The following RGS7 variants were observed in gnomAD, a reference collection of about 807,000 sequenced individuals.
RGS7 encodes regulator of G-protein signaling 7.
RGS7 carries 27 observed loss-of-function variants against 81.1 expected under a neutral mutation model. The ratio of observed to expected loss-of-function variants is 0.33; its 90% CI spans 0.25 to 0.46. The LOEUF (loss-of-function observed/expected upper bound fraction) is 0.46. Ranked by LOEUF, RGS7 falls within the 20% of genes least tolerant of loss-of-function variation. RGS7 has a pLI of 1.00. For missense variants in RGS7, 396 were observed against 607.4 expected (o/e 0.65, Z 3.66); for synonymous variants, 208 against 207.7 (o/e 1.00, Z -0.01).
chr1:240,809,207 A>G (rs927999520), intron 14 of RGS7, among the ~76,000 whole-genome samples: 9 of 152,202 alleles, frequency 5.9e-5, no homozygotes, highest in Non-Finnish European at 1.3e-4. Flanking sequence ...AGGGAAATAC[A>G]TCATAAAATT....
At chr1:241,129,081 C>G (rs1215109703) in intron 2 of RGS7, among the ~76,000 whole-genome samples, 2 of 152,132 alleles carry the variant, frequency 1.3e-5, no homozygotes, top group African/African-American at 4.8e-5. Context: ...TTATACTCCT[C>G]TAACATTTTG....
At chr1:240,858,198 T>C (rs956709597) in intron 9 of RGS7, among the ~76,000 whole-genome samples, 6 of 152,252 alleles carry the variant, frequency 3.9e-5, no homozygotes, top group African/African-American at 1.4e-4. Flanking sequence ...AAAGTTGCCA[T>C]AAACATTTGT....
intron 3 of RGS7, among the ~76,000 whole-genome samples, chr1:240,989,599 A>G (rs1686165759): frequency 6.6e-6 from 1 of 152,066 alleles, no homozygotes; most frequent in African/African-American, 2.4e-5. Flanking sequence ...ATGGTTCCCG[A>G]TGGCGTGCAT....
intron 2 of RGS7, among the ~76,000 whole-genome samples, chr1:241,108,655 T>C (rs567639203): frequency 6.6e-6 from 1 of 152,182 alleles, no homozygotes; most frequent in East Asian, 1.9e-4. Context: ...CAATGTCCCC[T>C]GAACTATTTG....
chr1:241,262,439 G>T (rs1461796693), intron 2 of RGS7, among the ~76,000 whole-genome samples: 1 of 152,212 alleles, frequency 6.6e-6, no homozygotes, highest in Non-Finnish European at 1.5e-5. Flanking sequence ...AAAGATGCCA[G>T]AAGTTCATGG....
rs1386365002 is a variant in RGS7, at chr1:240,853,813, A to G, written c.609+14774T>C. On this transcript the variant is annotated intron_variant, in intron 9 of 18. Coordinates refer to ENST00000440928, the MANE Select transcript of RGS7 (RefSeq NM_001364886.1). The stretch of plus-strand genomic sequence containing the variant: ...CTACTCAGGAGGCTGAGGCAGGAGA[A>G]TGGCGTGAACCCGGGAGGCGGAGCT... Among the ~76,000 whole-genome samples the G allele has an allele frequency of 2.2e-5, 3 of 136,360 alleles. No individual in the cohort carries two copies. The East Asian group carries it at 7.5e-4, about 34-fold the overall frequency. The allele number at this position is 136,360 out of a possible 152,430, so 89.5% of individuals were successfully genotyped here. A position where few individuals can be genotyped will look rare whatever the true frequency, so the allele number is the denominator to read the frequency against.
intron 2 of RGS7, among the ~76,000 whole-genome samples, chr1:241,277,424 C>T (rs1006586219): frequency 2.0e-5 from 3 of 151,954 alleles, no homozygotes; most frequent in Non-Finnish European, 4.4e-5. Context: ...TCGAGACCAT[C>T]CTGGCTAACA....
chr1:240,793,488 T>A (rs1000792926), intron 18 of RGS7, among the ~76,000 whole-genome samples: 1 of 151,244 alleles, frequency 6.6e-6, no homozygotes, highest in Admixed American at 6.6e-5. Flanking sequence ...AAATAGTTCA[T>A]CTTTGAGCAG....
At chr1:240,985,866 A>T (rs1446622455) in intron 3 of RGS7, among the ~76,000 whole-genome samples, 3 of 152,038 alleles carry the variant, frequency 2.0e-5, no homozygotes, top group African/African-American at 7.2e-5. Context: ...CTTGAGAAGC[A>T]TGACTCAAAT....
In RGS7 at chr1:240,808,997, G is replaced by A. The variant is rs114268094; in HGVS notation, c.1083-2671C>T. Among the ~76,000 whole-genome samples, 1,174 of 152,048 alleles carry A rather than the reference G, an allele frequency of 7.7e-3. 11 individuals carry two copies. Among genetic ancestry groups the A allele is most frequent in the African/African-American group, 0.027 (1,112 of 41,462 alleles). On this transcript the variant is annotated intron_variant, in intron 14 of 18. Transcript: ENST00000440928. Reference sequence around the variant, plus strand: ...GGGATGATAACGCCTATTTCACTGGGTTTCCACTGGATTAATTGGTTTCCA... The same window carrying A: ...GGGATGATAACGCCTATTTCACTGGATTTCCACTGGATTAATTGGTTTCCA...
At chr1:241,328,213 T>C (rs1361442052) in intron 2 of RGS7, among the ~76,000 whole-genome samples, 1 of 152,226 alleles carries the variant, frequency 6.6e-6, no homozygotes, top group East Asian at 1.9e-4. Flanking sequence ...ATTTTTTTGA[T>C]ATGTGGTAAG....
intron 2 of RGS7, among the ~76,000 whole-genome samples, chr1:241,204,643 A>G (rs953952121): frequency 2.0e-5 from 3 of 152,160 alleles, no homozygotes; most frequent in African/African-American, 7.2e-5. Flanking sequence ...TTATCAACAA[A>G]AGAGAAGAAA....
At chr1:240,996,874 T>C (rs889895649) in intron 3 of RGS7, among the ~76,000 whole-genome samples, 2 of 152,150 alleles carry the variant, frequency 1.3e-5, no homozygotes, top group African/African-American at 4.8e-5. Context: ...TTATTTTTTG[T>C]GGGTTTTTTT....
At chr1:240,925,371 T>C (rs902740209) in intron 6 of RGS7, among the ~76,000 whole-genome samples, 5 of 152,150 alleles carry the variant, frequency 3.3e-5, no homozygotes, top group Admixed American at 6.5e-5. Context: ...AGTGAGAACA[T>C]GTGGTATTTG....
At chr1:241,069,493 A>G (rs2062299792) in intron 3 of RGS7, among the ~76,000 whole-genome samples, 1 of 152,228 alleles carries the variant, frequency 6.6e-6, no homozygotes, top group Non-Finnish European at 1.5e-5. Context: ...ATATGTCAAT[A>G]AAAGAAAAAT....
At chr1:241,186,967 A>G (rs1274239136) in intron 2 of RGS7, among the ~76,000 whole-genome samples, 1 of 152,162 alleles carries the variant, frequency 6.6e-6, no homozygotes, top group Non-Finnish European at 1.5e-5. Flanking sequence ...TGATTCACTC[A>G]TATTATTCTC....
At chr1:241,017,838 TTA>T (rs1384906411) in intron 3 of RGS7, among the ~76,000 whole-genome samples, 1 of 152,184 alleles carries the variant, frequency 6.6e-6, no homozygotes, top group Non-Finnish European at 1.5e-5. Context: ...TTTTGGTATT[TTA>T]TGTTGTCTAT....
intron 13 of RGS7, among the ~76,000 whole-genome samples, 157 bp from the exon 14 acceptor site, chr1:240,812,200 C>A (rs1324098098): frequency 6.6e-6 from 1 of 152,108 alleles, no homozygotes; most frequent in Admixed American, 6.6e-5. Flanking sequence ...TGCATGAAAT[C>A]ATCGTGTACA....
intron 10 of RGS7, among the ~76,000 whole-genome samples, chr1:240,820,112 A>C (rs183862914): frequency 9.5e-4 from 144 of 152,334 alleles, no homozygotes; most frequent in African/African-American, 3.3e-3. Context: ...TTTTAGAAAA[A>C]AAATGTATTC....
Sources: allele counts gnomAD v4.1 joint callset (sites outside exome capture counted in the v4.1 genomes callset), GRCh38; gene constraint gnomAD v4.1.1; transcripts MANE v1.5; gene names NCBI Gene and HGNC (gene_info 2026-07-23, HGNC 2026-07-21).